OPCML: variants seen among roughly 807,000 people sequenced by gnomAD.
OPCML encodes opioid-binding protein/cell adhesion molecule.
A neutral mutation model predicts 37.8 loss-of-function variants in OPCML; 13 were observed. That is an observed-to-expected ratio of 0.34 (90% CI 0.22 to 0.55). The LOEUF (loss-of-function observed/expected upper bound fraction) is 0.55. Ranked by LOEUF, OPCML falls within the 20% of genes least tolerant of loss-of-function variation. OPCML has a pLI of 0.91. For missense variants in OPCML, 341 were observed against 435.6 expected (o/e 0.78, Z 1.93); for synonymous variants, 176 against 168.8 (o/e 1.04, Z -0.33).
intron 1 of OPCML, among the ~76,000 whole-genome samples, chr11:133,045,303 A>T (rs1947985993): frequency 6.6e-6 from 1 of 152,186 alleles, no homozygotes; most frequent in Non-Finnish European, 1.5e-5. Flanking sequence ...AAGCCAGGGA[A>T]CCACGTTCTC....
chr11:133,045,856 C>T (rs1466824793), intron 1 of OPCML, among the ~76,000 whole-genome samples: 1 of 152,204 alleles, frequency 6.6e-6, no homozygotes, highest in Non-Finnish European at 1.5e-5. Flanking sequence ...CTCAAAGTAA[C>T]TTGCAAATTA....
intron 2 of OPCML, among the ~76,000 whole-genome samples, chr11:132,822,042 G>A (rs1940019179): frequency 6.6e-6 from 1 of 152,144 alleles, no homozygotes; most frequent in Non-Finnish European, 1.5e-5. Flanking sequence ...TAAACAAAAG[G>A]AGTCTTGTCT....
intron 2 of OPCML, among the ~76,000 whole-genome samples, chr11:132,891,851 T>C (rs757453521): frequency 3.9e-4 from 59 of 152,258 alleles, no homozygotes; most frequent in Non-Finnish European, 6.2e-4. Context: ...AATTTCCATG[T>C]TCCCTGTAAA....
chr11:133,010,261 C>A (rs1947190866), intron 1 of OPCML, among the ~76,000 whole-genome samples: 1 of 152,124 alleles, frequency 6.6e-6, no homozygotes, highest in South Asian at 2.1e-4. Context: ...AGAGGGCTGC[C>A]AGGGATCAGA....
chr11:133,101,756 C>T (rs149123379), intron 1 of OPCML, among the ~76,000 whole-genome samples: 30 of 152,224 alleles, frequency 2.0e-4, no homozygotes, highest in Non-Finnish European at 4.0e-4. Flanking sequence ...CCCATAAAAA[C>T]GCCTGCACAT....
intron 1 of OPCML, among the ~76,000 whole-genome samples, chr11:133,284,921 T>C (rs749511142): frequency 6.6e-5 from 10 of 152,066 alleles, no homozygotes; most frequent in Non-Finnish European, 1.3e-4. Context: ...GTAGACATGG[T>C]TCTTGCTCTA....
chr11:133,106,737 G>T (rs547053210), intron 1 of OPCML, among the ~76,000 whole-genome samples: 19 of 152,314 alleles, frequency 1.2e-4, no homozygotes, highest in African/African-American at 4.6e-4. Context: ...GGATGGGGGA[G>T]TGGAGAAGAC....
chr11:133,174,229 G>A lies in OPCML; in HGVS notation c.62-231219C>T, dbSNP rs943481236. Among the ~76,000 whole-genome samples the A allele has an allele frequency of 1.3e-5, 2 of 152,152 alleles. No individual in the cohort carries two copies. Among genetic ancestry groups the A allele is most frequent in the South Asian group, 2.1e-4 (1 of 4,830 alleles). ...GACAGGAAGAAGGAAATGGAGCTCC[G>A]GAGTAACTCCTAGAAGGCGAAGCAT... On this transcript the variant is annotated intron_variant, in intron 1 of 7. Transcript: ENST00000524381. This position sits in a 1 kb window ranked among gnomAD's most constrained non-coding sequence, Gnocchi z 4.6.
intron 1 of OPCML, among the ~76,000 whole-genome samples, chr11:133,455,412 T>C (rs1378193032): frequency 6.6e-6 from 1 of 152,196 alleles, no homozygotes; most frequent in Non-Finnish European, 1.5e-5. Flanking sequence ...TTGGGGGTTC[T>C]TTTTGCATCT....
chr11:133,182,189 A>G (rs1164437608), intron 1 of OPCML, among the ~76,000 whole-genome samples: 2 of 152,218 alleles, frequency 1.3e-5, no homozygotes, highest in East Asian at 3.8e-4. Flanking sequence ...TCCATGTAGC[A>G]GGAATAAAAG....
chr11:133,172,338 G>A (rs529474902), intron 1 of OPCML, among the ~76,000 whole-genome samples: 3 of 152,282 alleles, frequency 2.0e-5, no homozygotes, highest in East Asian at 1.9e-4. Flanking sequence ...AGACAGCACC[G>A]AGTGCTTAGA....
chr11:132,770,168 T>C (rs886522348), intron 2 of OPCML, among the ~76,000 whole-genome samples: 2 of 152,192 alleles, frequency 1.3e-5, no homozygotes, highest in South Asian at 2.1e-4. Flanking sequence ...AATAACTTGT[T>C]GAACACTTAC....
At chr11:132,703,774 T>G (rs952134248) in intron 2 of OPCML, among the ~76,000 whole-genome samples, 2 of 152,160 alleles carry the variant, frequency 1.3e-5, no homozygotes, top group Admixed American at 6.5e-5. Context: ...GCCTGAAATC[T>G]GGGTCCACAG....
intron 2 of OPCML, among the ~76,000 whole-genome samples, chr11:132,898,049 A>G (rs957765897): frequency 1.3e-5 from 2 of 152,128 alleles, no homozygotes; most frequent in Non-Finnish European, 2.9e-5. Context: ...TCAGGAACAA[A>G]GTGGCTATGG....
intron 1 of OPCML, among the ~76,000 whole-genome samples, chr11:133,187,379 T>C (rs926477802): frequency 1.3e-5 from 2 of 152,084 alleles, no homozygotes; most frequent in African/African-American, 4.8e-5. Context: ...AACTACTGGT[T>C]GGGATGATCC....
chr11:132,438,510 T>G (rs2096020655), intron 4 of OPCML, among the ~76,000 whole-genome samples: 1 of 151,356 alleles, frequency 6.6e-6, no homozygotes, highest in Non-Finnish European at 1.5e-5. Flanking sequence ...GGACATAGGA[T>G]GTGGAGCAGG....
chr11:132,999,967 C>T (rs1378567064), intron 1 of OPCML, among the ~76,000 whole-genome samples: 1 of 152,204 alleles, frequency 6.6e-6, no homozygotes, highest in Non-Finnish European at 1.5e-5. Context: ...GACCTGGAAA[C>T]CCATCTTTCC....
intron 1 of OPCML, among the ~76,000 whole-genome samples, chr11:133,034,847 A>G (rs866352112): frequency 1.3e-5 from 2 of 150,806 alleles, no homozygotes; most frequent in Non-Finnish European, 2.9e-5. Flanking sequence ...TCCATTCTGG[A>G]CCCCAGATCT....
chr11:132,788,001 C>T (rs1480766763), intron 2 of OPCML, among the ~76,000 whole-genome samples: 4 of 152,176 alleles, frequency 2.6e-5, no homozygotes, highest in Non-Finnish European at 2.9e-5. Context: ...CTGCCTCAGC[C>T]TCCCGAGTAG....
Sources: gnomAD v4.1 joint callset for allele counts (sites outside exome capture counted in the v4.1 genomes callset) on GRCh38, gnomAD v4.1.1 for gene constraint, Gnocchi (gnomAD v3.1) non-coding constraint, MANE v1.5 for transcripts, NCBI Gene and HGNC (gene_info 2026-07-23, HGNC 2026-07-21) for gene names.